APOO: variants seen among roughly 807,000 people sequenced by gnomAD.
The protein encoded by APOO is apolipoprotein O.
Under a neutral mutation model 23.1 loss-of-function variants are expected in APOO, and 11 were observed. The ratio of observed to expected loss-of-function variants is 0.48; its 90% confidence interval spans 0.30 to 0.79. The LOEUF is 0.79. APOO is among the 30% of genes least tolerant of loss of function. The pLI, the probability that APOO is intolerant of heterozygous loss-of-function variation, is 0.07. For missense variants in APOO, 160 were observed against 142.7 expected (o/e 1.12, Z -0.62); for synonymous variants, 59 against 54.8 (o/e 1.08, Z -0.34).
chrX:23,856,585 G>A (rs763628927), intron 6 of APOO, among the ~76,000 whole-genome samples: 10 of 103,954 alleles, frequency 9.6e-5, no homozygotes, highest in African/African-American at 2.5e-4. Context: ...TGGAGTTTTC[G>A]CTCTTGTTGC....
chrX:23,863,747 A>C (rs1306186514), intron 5 of APOO, among the ~76,000 whole-genome samples: 1 of 111,000 alleles, frequency 9.0e-6, no homozygotes, highest in African/African-American at 3.3e-5. Flanking sequence ...AGTGTGAAGA[A>C]GACCAGTCCC....
At chrX:23,837,351 A>G in intron 8 of APOO, 13 of 865,985 alleles carry the variant, frequency 1.5e-5, no homozygotes, top group Non-Finnish European at 2.0e-5. Context: ...AGAAAGCCTA[A>G]TTTCTTTATG....
chrX:23,871,153 C>T (rs1242540408), intron 4 of APOO, among the ~76,000 whole-genome samples: 1 of 103,748 alleles, frequency 9.6e-6, no homozygotes, highest in African/African-American at 3.6e-5. Flanking sequence ...TGGATGTATT[C>T]CATCCTGGCT....
At chrX:23,896,803 TA>T (rs1286276473) in intron 1 of APOO, among the ~76,000 whole-genome samples, 2 of 52,035 alleles carry the variant, frequency 3.8e-5, no homozygotes, top group African/African-American at 7.1e-5. Flanking sequence ...CACACTCAGC[TA>T]TTTTTTTTTT....
At chrX:23,887,229 C>CTTTTTTTTTTT (rs765596270) in intron 1 of APOO, among the ~76,000 whole-genome samples, 6 of 54,230 alleles carry the variant, frequency 1.1e-4, no homozygotes, top group Admixed American at 3.3e-4. Flanking sequence ...TTCTTTTTCC[C>CTTTTTTTTTTT]TTTTTTTTTT....
At chrX:23,840,868 A>G (rs1361603691) in intron 7 of APOO, 1 of 111,883 alleles carries the variant, frequency 8.9e-6, no homozygotes, top group Non-Finnish European at 1.9e-5. Context: ...TCCACAAAAC[A>G]TGTTTACTCT....
At chrX:23,875,198 C>A (rs1278480829) in intron 3 of APOO, among the ~76,000 whole-genome samples, 2 of 104,604 alleles carry the variant, frequency 1.9e-5, no homozygotes, top group Non-Finnish European at 2.0e-5. Context: ...TGCAGTGAGC[C>A]GAGATGGCGC....
intron 8 of APOO, among the ~76,000 whole-genome samples, chrX:23,836,171 C>A (rs1427253573): frequency 1.8e-5 from 2 of 112,768 alleles, no homozygotes; most frequent in African/African-American, 6.4e-5. Context: ...CTCTCTGTTG[C>A]CCAGGCTGGG....
rs558596398 is a variant in APOO at position 23,883,319 on chromosome X, G to A, written c.10-2367C>T. The stretch of plus-strand genomic sequence containing the variant: ...GACCCTAGCGGGCAGGCACACAAGC[G>A]GCTGGACGTCAAGAGAAGCAGAGGC... On this transcript the variant is annotated intron_variant, in intron 1 of 8. Transcript: ENST00000379226. 1.3e-4 allele frequency: 14 copies of A among 111,012 alleles called. No homozygotes were observed. In the South Asian group the frequency reaches 1.9e-3, roughly 15 times the overall value. 9.1% of individuals were successfully genotyped at this position (111,012 alleles called of 1,213,427 possible). A position where few individuals can be genotyped will look rare whatever the true frequency, so the allele number is the denominator to read the frequency against.
chrX:23,837,535 TAAA>T (rs1923752024), intron 8 of APOO, among the ~76,000 whole-genome samples: 2 of 109,111 alleles, frequency 1.8e-5, no homozygotes, highest in African/African-American at 3.3e-5. Flanking sequence ...TGTGAACTTG[TAAA>T]ACAATATGTG....
chrX:23,898,055 C>T (rs1247795204), intron 1 of APOO, among the ~76,000 whole-genome samples: 1 of 98,678 alleles, frequency 1.0e-5, no homozygotes, highest in Non-Finnish European at 2.0e-5. Flanking sequence ...GGCTCTGTCT[C>T]AAAAAAAAAA....
intron 1 of APOO, among the ~76,000 whole-genome samples, chrX:23,889,828 A>AT (rs1190052058): frequency 1.6e-4 from 17 of 109,148 alleles, no homozygotes; most frequent in African/African-American, 4.0e-4. Context: ...CGCCTGGCTA[A>AT]TTTTTTGTAT....
chrX:23,862,476 T>C (rs780942881), intron 5 of APOO, among the ~76,000 whole-genome samples: 13 of 110,055 alleles, frequency 1.2e-4, no homozygotes, highest in Non-Finnish European at 2.5e-4. Flanking sequence ...GAGTAAATTT[T>C]CAAAGATACA....
chrX:23,874,731 A>G (rs1465835056), intron 3 of APOO, among the ~76,000 whole-genome samples: 1 of 111,613 alleles, frequency 9.0e-6, no homozygotes, highest in Non-Finnish European at 1.9e-5. Context: ...TCACTCTTCC[A>G]TTAAAATGGA....
intron 5 of APOO, among the ~76,000 whole-genome samples, chrX:23,867,120 AAACGAAACG>A (rs1227896434): frequency 9.6e-6 from 1 of 104,455 alleles, no homozygotes; most frequent in African/African-American, 3.9e-5. Context: ...AAACGAAACG[AAACGAAACG>A]AAACGAAACG....
In APOO at chrX:23,907,719, G is replaced by A; in HGVS notation, c.-17C>T. On this transcript the variant is annotated 5_prime_UTR_variant, in exon 1 of 9. Transcript: ENST00000379226. ...CTTGAACATGTCGCTGGCAGCGGAG[G>A]CTCCGGCAGGGTCACCCCGGCCTCG... The A allele has an allele frequency of 1.7e-6, 2 of 1,160,492 alleles. No homozygotes were observed. Among genetic ancestry groups the A allele is most frequent in the Non-Finnish European group, 2.3e-6 (2 of 870,537 alleles).
At chrX:23,874,561 A>G in intron 3 of APOO, 104 bp from the exon 4 acceptor site, 1 of 711,213 alleles carries the variant, frequency 1.4e-6, no homozygotes, top group Middle Eastern at 3.2e-4. Context: ...TTATCATGTT[A>G]TTAACGCTTT....
intron 3 of APOO, among the ~76,000 whole-genome samples, chrX:23,878,174 G>A (rs1043843720): frequency 8.9e-6 from 1 of 111,824 alleles, no homozygotes; most frequent in African/African-American, 3.2e-5. Context: ...ATAGTGGGGG[G>A]AGAAAAACTT....
intron 7 of APOO, among the ~76,000 whole-genome samples, chrX:23,847,828 C>T (rs1401934478): frequency 9.5e-6 from 1 of 104,799 alleles, no homozygotes; most frequent in Non-Finnish European, 1.9e-5. Flanking sequence ...TATACACACA[C>T]ACACACATAT....
Sources: allele counts gnomAD v4.1 joint callset (sites outside exome capture counted in the v4.1 genomes callset), GRCh38; gene constraint gnomAD v4.1.1; transcripts MANE v1.5; gene names NCBI Gene and HGNC (gene_info 2026-07-23, HGNC 2026-07-21).